Variants in TENM4 observed in about 807,000 individuals in gnomAD.
The protein encoded by TENM4 is teneurin transmembrane protein 4.
TENM4 carries 82 observed loss-of-function variants against 243.3 expected under a neutral mutation model. That is an observed-to-expected ratio of 0.34 (90% CI 0.28 to 0.40). TENM4 has a LOEUF of 0.40. Among genes scored for constraint, TENM4 ranks in the 10% least tolerant of loss-of-function variants. The pLI is 1.00. For synonymous variants in TENM4, 1,412 were observed against 1,456.3 expected (o/e 0.97, Z 0.69); for missense variants, 3,138 against 3,673.3 (o/e 0.85, Z 3.77).
intron 6 of TENM4, among the ~76,000 whole-genome samples, chr11:78,912,317 C>A (rs976927285): frequency 6.6e-6 from 1 of 152,156 alleles, no homozygotes; most frequent in African/African-American, 2.4e-5. Flanking sequence ...TGCAGTGGTG[C>A]GATCTCAGCC....
At chr11:79,067,474 A>G (rs1860293392) in intron 5 of TENM4, among the ~76,000 whole-genome samples, 1 of 152,158 alleles carries the variant, frequency 6.6e-6, no homozygotes, top group Admixed American at 6.5e-5. Context: ...GTTATGAAGA[A>G]TGACTCTTAC....
At chr11:79,336,681 G>A (rs1857153344) in intron 1 of TENM4, among the ~76,000 whole-genome samples, 1 of 152,132 alleles carries the variant, frequency 6.6e-6, no homozygotes, top group African/African-American at 2.4e-5. Context: ...ATATTGCTAT[G>A]AACATGCAAT....
At chr11:79,058,046 T>A (rs1335970616) in intron 6 of TENM4, among the ~76,000 whole-genome samples, 5 of 152,202 alleles carry the variant, frequency 3.3e-5, no homozygotes, top group Non-Finnish European at 7.3e-5. Context: ...TGTCATAATT[T>A]GAGAGTGGCC....
chr11:78,959,511 G>A (rs953890310), intron 6 of TENM4, among the ~76,000 whole-genome samples: 1 of 152,130 alleles, frequency 6.6e-6, no homozygotes, highest in African/African-American at 2.4e-5. Context: ...TCAGGAGAGA[G>A]GAAGGCAGTA....
At chr11:78,898,283 C>T (rs1438476476) in intron 7 of TENM4, among the ~76,000 whole-genome samples, 1 of 152,258 alleles carries the variant, frequency 6.6e-6, no homozygotes. Flanking sequence ...CTTCTTCATC[C>T]TCCTGCTAGC....
chr11:78,796,583 C>T (rs1001654533), intron 15 of TENM4, among the ~76,000 whole-genome samples: 2 of 152,110 alleles, frequency 1.3e-5, no homozygotes, highest in Non-Finnish European at 2.9e-5. Context: ...CAACTGTATG[C>T]TGACAATAGA....
intron 2 of TENM4, among the ~76,000 whole-genome samples, chr11:79,253,632 G>A (rs1312150899): frequency 6.6e-6 from 1 of 152,164 alleles, no homozygotes; most frequent in Non-Finnish European, 1.5e-5. Context: ...CCTCTGAACC[G>A]ATGGGATCCT....
chr11:78,848,530 A>C (rs1022577718), intron 12 of TENM4, among the ~76,000 whole-genome samples: 1 of 152,046 alleles, frequency 6.6e-6, no homozygotes, highest in Admixed American at 6.6e-5. Context: ...TAAATGTAAA[A>C]ATTTCACCCA....
intron 1 of TENM4, among the ~76,000 whole-genome samples, chr11:79,353,997 A>C (rs1857457355): frequency 6.6e-6 from 1 of 152,244 alleles, no homozygotes; most frequent in South Asian, 2.1e-4. Context: ...GAATTTTGCC[A>C]ATCTTTGGGG....
intron 6 of TENM4, among the ~76,000 whole-genome samples, chr11:79,023,805 T>A (rs1254853709): frequency 6.6e-6 from 1 of 152,128 alleles, no homozygotes; most frequent in Admixed American, 6.6e-5. Flanking sequence ...GGGCCAATAC[T>A]GGGGAACAAA....
intron 28 of TENM4, among the ~76,000 whole-genome samples, chr11:78,688,670 G>T (rs936329555): frequency 4.6e-5 from 7 of 152,138 alleles, no homozygotes; most frequent in Non-Finnish European, 8.8e-5. Context: ...GGTTATACAG[G>T]TTTTTCCTGA....
At chr11:79,324,175 AT>A (rs1856937336) in intron 1 of TENM4, among the ~76,000 whole-genome samples, 1 of 152,044 alleles carries the variant, frequency 6.6e-6, no homozygotes, top group Non-Finnish European at 1.5e-5. Flanking sequence ...TTTACTCATT[AT>A]TTTTATTGTT....
intron 1 of TENM4, among the ~76,000 whole-genome samples, chr11:79,431,348 C>T (rs1235726864): frequency 6.6e-6 from 1 of 152,154 alleles, no homozygotes; most frequent in East Asian, 1.9e-4. Flanking sequence ...CCACATTTTA[C>T]TTATTCCACC....
At chr11:78,914,356 G>C (rs1368026116) in intron 6 of TENM4, among the ~76,000 whole-genome samples, 2 of 152,206 alleles carry the variant, frequency 1.3e-5, no homozygotes, top group East Asian at 3.8e-4. Context: ...AGGGGTGGGA[G>C]AAGGAGTAAA....
intron 6 of TENM4, among the ~76,000 whole-genome samples, chr11:78,915,082 C>T (rs561897322): frequency 6.6e-6 from 1 of 152,206 alleles, no homozygotes; most frequent in Non-Finnish European, 1.5e-5. Flanking sequence ...CCCCATAGCT[C>T]GCCACCTCCC....
At chr11:79,324,943 A>G (rs1291504156) in intron 1 of TENM4, among the ~76,000 whole-genome samples, 1 of 152,202 alleles carries the variant, frequency 6.6e-6, no homozygotes, top group Non-Finnish European at 1.5e-5. Flanking sequence ...CCCAAGAGGC[A>G]GGCCCCACCT....
At chr11:79,130,754 C>T (rs576924715) in intron 4 of TENM4, among the ~76,000 whole-genome samples, 12 of 152,144 alleles carry the variant, frequency 7.9e-5, no homozygotes, top group East Asian at 1.9e-4. Context: ...ACTCGGGGGG[C>T]GGAGCTTGCA....
intron 2 of TENM4, among the ~76,000 whole-genome samples, chr11:79,273,547 A>ATCT (rs1191198051): frequency 6.6e-6 from 1 of 152,206 alleles, no homozygotes; most frequent in African/African-American, 2.4e-5. Context: ...TCGCAAAGCA[A>ATCT]TCTTATTTGG....
chr11:79,282,132 G>T (rs911331718), intron 2 of TENM4, among the ~76,000 whole-genome samples: 1 of 152,134 alleles, frequency 6.6e-6, no homozygotes, highest in African/African-American at 2.4e-5. Context: ...CTTCAAACCC[G>T]CAAGGAAACA....
Sources: allele counts gnomAD v4.1 joint callset (sites outside exome capture counted in the v4.1 genomes callset), GRCh38; gene constraint gnomAD v4.1.1; transcripts MANE v1.5; gene names NCBI Gene and HGNC (gene_info 2026-07-23, HGNC 2026-07-21).